CCDC141: variants seen among roughly 807,000 people sequenced by gnomAD.
CCDC141 encodes the protein coiled-coil domain-containing protein 141.
CCDC141 carries 168 observed loss-of-function variants against 181.0 expected under a neutral mutation model. The ratio of observed to expected loss-of-function variants is 0.93; its 90% CI spans 0.82 to 1.05. The LOEUF (loss-of-function observed/expected upper bound fraction) is 1.05. Among genes scored for constraint, CCDC141 ranks in the 50% least tolerant of loss-of-function variants. CCDC141 has a pLI of 0.00. For synonymous variants in CCDC141, 666 were observed against 642.3 expected, an observed-to-expected ratio of 1.04 and a Z score of -0.56; for missense variants, 1,902 against 1,788.5, an observed-to-expected ratio of 1.06 and a Z score of -1.14.
intron 12 of CCDC141, 108 bp from the exon 13 acceptor site, chr2:178,872,420 A>C (rs752991897): frequency 6.8e-5 from 67 of 990,536 alleles, no homozygotes; most frequent in Non-Finnish European, 8.9e-5. Flanking sequence ...CCAAAGCCGA[A>C]GATGGTTCTG....
chr2:178,852,846 A>C (rs905214005), intron 20 of CCDC141, among the ~76,000 whole-genome samples: 1 of 152,208 alleles, frequency 6.6e-6, no homozygotes, highest in Non-Finnish European at 1.5e-5. Context: ...AGGAGGAAGG[A>C]TCTCTCAGGC....
At chr2:178,892,109 C>A (rs1020604361) in intron 8 of CCDC141, among the ~76,000 whole-genome samples, 1 of 152,178 alleles carries the variant, frequency 6.6e-6, no homozygotes, top group Non-Finnish European at 1.5e-5. Context: ...TGATGACTTG[C>A]ACTTTTGGCC....
intron 2 of CCDC141, among the ~76,000 whole-genome samples, chr2:179,008,998 T>G (rs1009358709): frequency 1.3e-5 from 2 of 152,190 alleles, no homozygotes; most frequent in African/African-American, 4.8e-5. Flanking sequence ...ATCTTTCTCA[T>G]GACCCTTTTC....
chr2:178,951,341 C>T (rs562573919), intron 5 of CCDC141, among the ~76,000 whole-genome samples: 2 of 152,150 alleles, frequency 1.3e-5, no homozygotes, highest in Non-Finnish European at 2.9e-5. Flanking sequence ...AGGAGTGGGA[C>T]CAAAGTTTGA....
At chr2:178,896,658 A>C (rs1687422763) in intron 8 of CCDC141, among the ~76,000 whole-genome samples, 1 of 152,180 alleles carries the variant, frequency 6.6e-6, no homozygotes, top group African/African-American at 2.4e-5. Flanking sequence ...AGCTGAATGA[A>C]AGGAGTAGAA....
At chr2:178,987,274 G>C (rs1691797819) in intron 2 of CCDC141, among the ~76,000 whole-genome samples, 1 of 151,902 alleles carries the variant, frequency 6.6e-6, no homozygotes, top group African/African-American at 2.4e-5. Flanking sequence ...TATGTAGAAA[G>C]CTGAACCTGG....
chr2:178,845,485 G>A (rs1420429477), intron 22 of CCDC141, 141 bp downstream of exon 22: 4 of 606,590 alleles, frequency 6.6e-6, no homozygotes, highest in Non-Finnish European at 1.2e-5. Flanking sequence ...CAAGGGAGGA[G>A]GAAACTCACA....
chr2:178,882,917 G>C (rs1024502149), intron 11 of CCDC141, among the ~76,000 whole-genome samples: 37 of 152,108 alleles, frequency 2.4e-4, no homozygotes, highest in African/African-American at 8.9e-4. Flanking sequence ...AGCTGGTGAG[G>C]AAGAAAGGAA....
At chr2:178,867,918 T>G in intron 16 of CCDC141, 108 bp downstream of exon 16, 1 of 890,258 alleles carries the variant, frequency 1.1e-6, no homozygotes, top group Non-Finnish European at 1.6e-6. Flanking sequence ...ATGGTTTAGT[T>G]TATTTTTAAA....
intron 17 of CCDC141, among the ~76,000 whole-genome samples, chr2:178,859,983 A>G (rs1685533016): frequency 6.6e-6 from 1 of 152,234 alleles, no homozygotes; most frequent in African/African-American, 2.4e-5. Flanking sequence ...TGTGAGGGAC[A>G]TGGGATATTT....
chr2:178,939,782 A>C (rs903035193), intron 6 of CCDC141, among the ~76,000 whole-genome samples: 7 of 152,040 alleles, frequency 4.6e-5, no homozygotes, highest in African/African-American at 1.4e-4. Flanking sequence ...TGGGGGACAA[A>C]TGGGAATGGT....
intron 2 of CCDC141, among the ~76,000 whole-genome samples, chr2:179,015,765 CATATATATCTCATATATGTATCATAT>C (rs2042508192): frequency 7.4e-6 from 1 of 135,564 alleles, no homozygotes; most frequent in Admixed American, 7.7e-5. Context: ...TCATATATAT[CATATATATCTCATATATGTATCATAT>C]ATATCTCATA....
At chr2:178,824,920 A>C (rs1684098754), downstream of CCDC141, among the ~76,000 whole-genome samples, 1 of 152,206 alleles carries the variant, frequency 6.6e-6, no homozygotes, top group South Asian at 2.1e-4. Flanking sequence ...TCGATAAAAT[A>C]CAAGTTTAAT....
At chr2:178,874,194 C>T (rs539794952) in intron 12 of CCDC141, 13 of 152,270 alleles carry the variant, frequency 8.5e-5, no homozygotes, top group South Asian at 4.1e-4. Flanking sequence ...TAAAAAAAAT[C>T]GTTTTACTTA....
At chr2:178,973,961 GC>G (rs564117458) in intron 4 of CCDC141, among the ~76,000 whole-genome samples, 8 of 152,108 alleles carry the variant, frequency 5.3e-5, no homozygotes, top group Non-Finnish European at 8.8e-5. Flanking sequence ...AACTTTTGAT[GC>G]TTTTTATAAT....
chr2:178,942,432 G>C (rs1689561024), intron 6 of CCDC141, among the ~76,000 whole-genome samples: 1 of 152,182 alleles, frequency 6.6e-6, no homozygotes, highest in African/African-American at 2.4e-5. Context: ...CTAACTACAT[G>C]ACATTCTGGA....
intron 11 of CCDC141, among the ~76,000 whole-genome samples, chr2:178,880,425 T>A (rs1046639534): frequency 6.6e-6 from 1 of 151,980 alleles, no homozygotes; most frequent in Non-Finnish European, 1.5e-5. Flanking sequence ...GGGGGAAATA[T>A]AGGAGGCAAA....
chr2:178,900,456 TCA>T (rs993657566), intron 8 of CCDC141, among the ~76,000 whole-genome samples: 1 of 152,184 alleles, frequency 6.6e-6, no homozygotes, highest in African/African-American at 2.4e-5. Context: ...TCTCTGAATC[TCA>T]GTTTCCTGTT....
chr2:178,816,496 T>TA, the CCDC141 span, among the ~76,000 whole-genome samples: 2 of 152,236 alleles, frequency 1.3e-5, no homozygotes, highest in African/African-American at 4.8e-5. Context: ...AAAGCTGCTA[T>TA]AAACATCTGC....
Sources: allele counts gnomAD v4.1 joint callset (sites outside exome capture counted in the v4.1 genomes callset), GRCh38; gene constraint gnomAD v4.1.1; transcripts MANE v1.5; gene names NCBI Gene and HGNC (gene_info 2026-07-23, HGNC 2026-07-21).